The following TRMT2B variants were observed in gnomAD, a reference collection of about 807,000 sequenced individuals.
The protein encoded by TRMT2B is tRNA (uracil-5-)-methyltransferase homolog B.
A neutral mutation model predicts 39.7 loss-of-function variants in TRMT2B; 34 were observed. The observed-to-expected ratio is 0.86, with a 90% CI of 0.65 to 1.14. The LOEUF (loss-of-function observed/expected upper bound fraction) is 1.14, where lower values mean the gene tolerates loss of function less well. Among genes scored for constraint, TRMT2B ranks in the 50% most tolerant of loss-of-function variants. The pLI, the probability that TRMT2B is intolerant of heterozygous loss-of-function variation, is 0.00. For synonymous variants in TRMT2B, 132 were observed against 137.3 expected (o/e 0.96, Z 0.27); for missense variants, 318 against 377.2 (o/e 0.84, Z 1.30).
intron 2 of TRMT2B, among the ~76,000 whole-genome samples, chrX:101,046,199 A>C (rs1265806960): frequency 9.0e-6 from 1 of 110,936 alleles, no homozygotes; most frequent in Non-Finnish European, 1.9e-5. Flanking sequence ...TTTTCTTTAA[A>C]GTACCTTGAG....
At chrX:101,018,870 A>G in intron 13 of TRMT2B, 101 bp downstream of exon 13, 1 of 593,371 alleles carries the variant, frequency 1.7e-6, no homozygotes, top group South Asian at 2.6e-5. Context: ...TTACACTTCT[A>G]ATGACTTGAA....
At chrX:100,988,251 A>G in the TRMT2B span, 1 of 1,209,315 alleles carries the variant, frequency 8.3e-7, no homozygotes, top group East Asian at 3.0e-5. Flanking sequence ...ACAATGCTCA[A>G]TCGAAGCTAA....
chrX:101,018,657 T>C (rs1285487340), intron 13 of TRMT2B, among the ~76,000 whole-genome samples: 3 of 110,308 alleles, frequency 2.7e-5, no homozygotes, highest in Non-Finnish European at 5.7e-5. Context: ...TTCACTGTGT[T>C]CCCCAGGGTG....
chrX:101,050,782 G>A (rs779709484), intron 2 of TRMT2B, among the ~76,000 whole-genome samples: 8 of 109,969 alleles, frequency 7.3e-5, no homozygotes, highest in Non-Finnish European at 1.3e-4. Context: ...GGTGGCTCTC[G>A]CTTGTAATCC....
the TRMT2B span, among the ~76,000 whole-genome samples, chrX:100,993,302 C>T: frequency 3.6e-5 from 4 of 112,039 alleles, no homozygotes; most frequent in Admixed American, 1.9e-4. Flanking sequence ...CTCCCTGGGT[C>T]TTCTTTGGCC....
chrX:101,031,127 AC>A (rs2087433917), intron 7 of TRMT2B, among the ~76,000 whole-genome samples: 1 of 109,952 alleles, frequency 9.1e-6, no homozygotes, highest in Non-Finnish European at 1.9e-5. Context: ...GAGTGCCACC[AC>A]CCCCATCTAA....
chrX:101,027,240 T>C (rs1039933319), intron 7 of TRMT2B, among the ~76,000 whole-genome samples: 4 of 108,850 alleles, frequency 3.7e-5, no homozygotes, highest in African/African-American at 1.3e-4. Context: ...TTCTTTCTTT[T>C]TTTTTTTTTT....
chrX:101,038,642 C>A (rs1438559974), intron 4 of TRMT2B, among the ~76,000 whole-genome samples: 2 of 112,279 alleles, frequency 1.8e-5, no homozygotes, highest in Non-Finnish European at 3.8e-5. Flanking sequence ...GAGCTTTCCA[C>A]AATGGAAATG....
chrX:101,031,935 G>A (rs958136065), intron 7 of TRMT2B, among the ~76,000 whole-genome samples: 2 of 110,139 alleles, frequency 1.8e-5, no homozygotes, highest in African/African-American at 3.3e-5. Flanking sequence ...AGAAATGAAC[G>A]GAAGATAACA....
At chrX:101,020,723 G>A in intron 10 of TRMT2B, 135 bp from the exon 11 acceptor site, 2 of 525,109 alleles carry the variant, frequency 3.8e-6, no homozygotes, top group Non-Finnish European at 3.2e-6. Context: ...AGGCTGGAGT[G>A]CAATGGCACA....
rs1331923176 is a variant in TRMT2B, at chrX:101,030,454, C to CTTT, written c.609+5156_609+5158dup. ...GGAAAAGCCTATATAGATCTGCATT[C>CTTT]TTTTTTTTTTTTTTCAGATGGAGTC... On this transcript the variant is annotated intron_variant, in intron 7 of 13. Transcript: ENST00000372936. Among the ~76,000 whole-genome samples, 5 of 71,863 alleles carry CTTT rather than the reference C, an allele frequency of 7.0e-5. 1 individual carries two copies. Among genetic ancestry groups the CTTT allele is most frequent in the Non-Finnish European group, 1.3e-4 (5 of 39,755 alleles). 62.4% of individuals were successfully genotyped at this position (71,863 alleles called of 115,157 possible).
the TRMT2B span, chrX:100,986,059 T>G: frequency 1.4e-6 from 1 of 710,635 alleles, no homozygotes; most frequent in South Asian, 3.1e-5. Context: ...CGGCCCAATT[T>G]TCTGAGGTTT....
the TRMT2B span, among the ~76,000 whole-genome samples, chrX:100,977,366 CTTCTTTTTTTTTTT>C: frequency 3.8e-5 from 3 of 78,172 alleles, no homozygotes; most frequent in Non-Finnish European, 6.8e-5. Flanking sequence ...CTTCTACTCT[CTTCTTTTTTTTTTT>C]TTTTTTTTTT....
At chrX:100,982,465 C>T in the TRMT2B span, among the ~76,000 whole-genome samples, 2 of 72,885 alleles carry the variant, frequency 2.7e-5, no homozygotes, top group African/African-American at 9.3e-5. Context: ...GCACTCCAGG[C>T]TTAAAAAATA....
chrX:100,984,796 C>G, the TRMT2B span, among the ~76,000 whole-genome samples: 1 of 112,090 alleles, frequency 8.9e-6, no homozygotes, highest in African/African-American at 3.2e-5. Context: ...GAGAAGTCTT[C>G]CTAAACAGTA....
At chrX:100,997,591 A>C in the TRMT2B span, among the ~76,000 whole-genome samples, 2 of 111,982 alleles carry the variant, frequency 1.8e-5, no homozygotes, top group Admixed American at 1.9e-4. Flanking sequence ...AGGTGTTCTA[A>C]GCAAGTTATG....
chrX:100,988,408 A>T, the TRMT2B span: 1 of 1,204,854 alleles, frequency 8.3e-7, no homozygotes, highest in Non-Finnish European at 1.1e-6. Flanking sequence ...GTCTAAAAAG[A>T]ATATGTCAGT....
At chrX:101,026,894 C>A (rs1238750871) in intron 7 of TRMT2B, among the ~76,000 whole-genome samples, 1 of 111,707 alleles carries the variant, frequency 9.0e-6, no homozygotes, top group Non-Finnish European at 1.9e-5. Flanking sequence ...TATCAGATTG[C>A]TTTTACTCTC....
chrX:100,983,435 C>T, the TRMT2B span, among the ~76,000 whole-genome samples: 1 of 110,643 alleles, frequency 9.0e-6, no homozygotes, highest in South Asian at 3.9e-4. Flanking sequence ...CAGCTCACTG[C>T]AACCTCTGCC....
Sources: allele counts gnomAD v4.1 joint callset (sites outside exome capture counted in the v4.1 genomes callset), GRCh38; gene constraint gnomAD v4.1.1; transcripts MANE v1.5; gene names NCBI Gene and HGNC (gene_info 2026-07-23, HGNC 2026-07-21).